LRP1B: variants seen among roughly 807,000 people sequenced by gnomAD.
LRP1B encodes the protein LDL receptor related protein 1B.
In LRP1B, 217 loss-of-function variants were observed where a neutral mutation model predicts 556.6. That is an observed-to-expected ratio of 0.39 (90% CI 0.35 to 0.44). The LOEUF is 0.44. Among genes scored for constraint, LRP1B ranks in the 20% least tolerant of loss-of-function variants. LRP1B has a pLI of 1.00. For missense variants in LRP1B, 5,053 were observed against 5,620.8 expected, an observed-to-expected ratio of 0.90 and a Z score of 3.23; for synonymous variants, 2,047 against 1,865.8, an observed-to-expected ratio of 1.10 and a Z score of -2.50.
chr2:141,697,627 A>G (rs1558811380), intron 2 of LRP1B, among the ~76,000 whole-genome samples: 1 of 151,980 alleles, frequency 6.6e-6, no homozygotes, highest in Non-Finnish European at 1.5e-5. Context: ...TGGAACTTGT[A>G]TACCAGGATA....
At chr2:141,804,637 G>A (rs1396889095) in intron 2 of LRP1B, among the ~76,000 whole-genome samples, 1 of 152,054 alleles carries the variant, frequency 6.6e-6, no homozygotes, top group Non-Finnish European at 1.5e-5. Context: ...GATCGACCGA[G>A]AGGGGGCAGT....
intron 83 of LRP1B, 102 bp from the exon 84 acceptor site, chr2:140,298,071 C>A: frequency 1.8e-6 from 2 of 1,082,326 alleles, no homozygotes; most frequent in South Asian, 1.7e-5. Flanking sequence ...GGTTTCTGGT[C>A]AAGGTCTGTC....
intron 57 of LRP1B, among the ~76,000 whole-genome samples, chr2:140,489,762 G>T (rs1373210464): frequency 6.6e-6 from 1 of 152,028 alleles, no homozygotes; most frequent in Non-Finnish European, 1.5e-5. Context: ...CAGGGAAAAA[G>T]CAGAGAGAAA....
chr2:140,258,296 A>C (rs1298368803), intron 86 of LRP1B, among the ~76,000 whole-genome samples: 1 of 143,026 alleles, frequency 7.0e-6, no homozygotes, highest in Admixed American at 7.0e-5. Context: ...TTCACCTTGA[A>C]TCCTTCTGCC....
At chr2:140,921,121 A>AT (rs944082927) in intron 21 of LRP1B, among the ~76,000 whole-genome samples, 2 of 151,862 alleles carry the variant, frequency 1.3e-5, no homozygotes, top group South Asian at 4.2e-4. Flanking sequence ...TTGTCTGCAA[A>AT]TTTTTTTTCT....
At chr2:141,089,148 G>A (rs891664471) in intron 7 of LRP1B, among the ~76,000 whole-genome samples, 3 of 152,200 alleles carry the variant, frequency 2.0e-5, no homozygotes, top group Admixed American at 1.3e-4. Context: ...ATCCATTATA[G>A]TTTGAATAGA....
At chr2:140,273,454 A>C (rs1434220573) in intron 85 of LRP1B, among the ~76,000 whole-genome samples, 1 of 152,026 alleles carries the variant, frequency 6.6e-6, no homozygotes, top group Non-Finnish European at 1.5e-5. Context: ...GTTTGCGTAA[A>C]TGTCATTCAT....
intron 1 of LRP1B, among the ~76,000 whole-genome samples, chr2:141,935,328 CA>C (rs1419382075): frequency 3.3e-5 from 5 of 151,818 alleles, no homozygotes; most frequent in African/African-American, 9.7e-5. Flanking sequence ...CACATGTGAC[CA>C]AAAAGTATAA....
intron 56 of LRP1B, among the ~76,000 whole-genome samples, chr2:140,494,583 G>A (rs1187037108): frequency 1.4e-5 from 2 of 146,912 alleles, no homozygotes; most frequent in Non-Finnish European, 3.0e-5. Context: ...CTCCAGCCTG[G>A]GTGACAGAGC....
At chr2:140,587,990 A>C (rs1294982081) in intron 43 of LRP1B, among the ~76,000 whole-genome samples, 2 of 152,208 alleles carry the variant, frequency 1.3e-5, no homozygotes, top group Non-Finnish European at 2.9e-5. Flanking sequence ...GCCAAGTGAA[A>C]ATATCAGAAA....
At chr2:141,120,882 T>A (rs1192933737) in intron 7 of LRP1B, among the ~76,000 whole-genome samples, 4 of 151,972 alleles carry the variant, frequency 2.6e-5, no homozygotes, top group Non-Finnish European at 5.9e-5. Flanking sequence ...GCTTCTCAAT[T>A]CAACTGCACA....
At chr2:140,584,110 C>G (rs1054777968) in intron 43 of LRP1B, among the ~76,000 whole-genome samples, 3 of 151,976 alleles carry the variant, frequency 2.0e-5, no homozygotes, top group African/African-American at 4.8e-5. Context: ...AATATTGCCT[C>G]AAGCTCAAAT....
intron 3 of LRP1B, among the ~76,000 whole-genome samples, chr2:141,316,538 G>A (rs1687042513): frequency 6.6e-6 from 1 of 152,132 alleles, no homozygotes; most frequent in South Asian, 2.1e-4. Flanking sequence ...GCACAAAGGA[G>A]GTAGGGAAAC....
chr2:140,785,376 A>G (rs1370709273), intron 32 of LRP1B, among the ~76,000 whole-genome samples: 2 of 152,148 alleles, frequency 1.3e-5, no homozygotes, highest in African/African-American at 4.8e-5. Context: ...CTGCGTGACA[A>G]TGATTAGAGA....
chr2:141,465,724 A>AC (rs926254522), intron 3 of LRP1B, among the ~76,000 whole-genome samples: 3 of 151,624 alleles, frequency 2.0e-5, no homozygotes, highest in Admixed American at 1.3e-4. Flanking sequence ...TAAATTTTGT[A>AC]TTTTTTGTAG....
chr2:140,953,955 G>A (rs947822318), intron 18 of LRP1B, among the ~76,000 whole-genome samples: 3 of 152,020 alleles, frequency 2.0e-5, no homozygotes, highest in South Asian at 4.1e-4. Context: ...TACCTAAACC[G>A]TTATTTTAAT....
At chr2:141,923,842 AC>A (rs769088885) in intron 1 of LRP1B, among the ~76,000 whole-genome samples, 1 of 152,048 alleles carries the variant, frequency 6.6e-6, no homozygotes, top group Non-Finnish European at 1.5e-5. Context: ...TGGCAGCATA[AC>A]CAACTTAGGA....
At chr2:140,806,348 A>G (rs1048207697) in intron 32 of LRP1B, among the ~76,000 whole-genome samples, 1 of 152,214 alleles carries the variant, frequency 6.6e-6, no homozygotes, top group African/African-American at 2.4e-5. Flanking sequence ...TGATAATTTT[A>G]GATTCCTTAC....
At chr2:141,353,484 T>C (rs1192787168) in intron 3 of LRP1B, among the ~76,000 whole-genome samples, 1 of 152,000 alleles carries the variant, frequency 6.6e-6, no homozygotes, top group East Asian at 1.9e-4. Flanking sequence ...AAGAGAAACA[T>C]CTTATTTTGT....
Sources: allele counts gnomAD v4.1 joint callset (sites outside exome capture counted in the v4.1 genomes callset), GRCh38; gene constraint gnomAD v4.1.1; transcripts MANE v1.5; gene names NCBI Gene and HGNC (gene_info 2026-07-23, HGNC 2026-07-21).